The following DMD variants were observed in gnomAD, a reference collection of about 807,000 sequenced individuals.
DMD encodes the protein mutant dystrophin.
Under a neutral mutation model 330.1 loss-of-function variants are expected in DMD, and 63 were observed. The observed-to-expected ratio is 0.19, with a 90% confidence interval of 0.16 to 0.24. DMD has a LOEUF of 0.24. Among genes scored for constraint, DMD ranks in the 10% least tolerant of loss-of-function variants. The pLI, the probability that DMD is intolerant of heterozygous loss-of-function variation, is 1.00. For missense variants in DMD, 3,344 were observed against 2,684.1 expected (o/e 1.25, Z -5.43); for synonymous variants, 1,223 against 959.8 (o/e 1.27, Z -5.07).
At chrX:32,033,591 C>CAGAAAGAAAGAA (rs1420861037) in intron 44 of DMD, among the ~76,000 whole-genome samples, 12 of 27,328 alleles carry the variant, frequency 4.4e-4, no homozygotes, top group Admixed American at 1.3e-3. Context: ...AAAAACAAGA[C>CAGAAAGAAAGAA]AGACAGACAG....
intron 7 of DMD, among the ~76,000 whole-genome samples, chrX:32,774,052 C>A (rs936400549): frequency 1.8e-5 from 2 of 110,842 alleles, no homozygotes; most frequent in African/African-American, 6.6e-5. Flanking sequence ...AAATGGGCCC[C>A]TAGAAAGATA....
chrX:32,771,521 C>T lies in DMD; in HGVS notation c.649+37972G>A, dbSNP rs1030117900. ...TTGTTAATACACACACACACACACA[C>T]ACACTCTGCCACTACTCCTTCTGTG... On this transcript the variant is annotated intron_variant, in intron 7 of 78. Coordinates refer to ENST00000357033, the MANE Select transcript of DMD (RefSeq NM_004006.3). Among the ~76,000 whole-genome samples the T allele has an allele frequency of 1.2e-4, 13 of 111,191 alleles. 1 individual carries two copies. The South Asian group carries it at 1.9e-3, about 16-fold the overall frequency.
chrX:32,631,890 C>T (rs2058755519), intron 11 of DMD, among the ~76,000 whole-genome samples: 1 of 111,166 alleles, frequency 9.0e-6, no homozygotes, highest in Admixed American at 9.5e-5. Flanking sequence ...ACATCCAAAC[C>T]ATACTATTCC....
intron 7 of DMD, among the ~76,000 whole-genome samples, chrX:32,730,475 G>A (rs1372844245): frequency 1.8e-5 from 2 of 112,405 alleles, no homozygotes; most frequent in African/African-American, 3.2e-5. Flanking sequence ...ATGAAAAAGA[G>A]TACTTCAACA....
intron 1 of DMD, among the ~76,000 whole-genome samples, chrX:33,164,624 T>TTGA (rs2048964305): frequency 8.9e-6 from 1 of 112,094 alleles, no homozygotes; most frequent in South Asian, 3.7e-4. Flanking sequence ...ACAGCATACC[T>TTGA]TTAATCAAGT....
intron 42 of DMD, among the ~76,000 whole-genome samples, chrX:32,303,047 T>C: frequency 9.0e-6 from 1 of 111,660 alleles, no homozygotes; most frequent in Non-Finnish European, 1.9e-5. Flanking sequence ...AATGTTTTAA[T>C]TATATGTGGG....
At chrX:33,114,916 C>G (rs1168786702) in intron 1 of DMD, among the ~76,000 whole-genome samples, 1 of 111,134 alleles carries the variant, frequency 9.0e-6, no homozygotes, top group Non-Finnish European at 1.9e-5. Flanking sequence ...TCTGCCAGCC[C>G]AAATCATAAA....
chrX:31,786,027 C>T (rs771713112), intron 50 of DMD, among the ~76,000 whole-genome samples: 183 of 112,058 alleles, frequency 1.6e-3, no homozygotes, highest in African/African-American at 5.7e-3. Context: ...AATCGCCACA[C>T]GGTCTTCCAC....
At chrX:32,041,713 T>C (rs1459232976) in intron 44 of DMD, among the ~76,000 whole-genome samples, 1 of 110,630 alleles carries the variant, frequency 9.0e-6, no homozygotes, top group East Asian at 2.8e-4. Flanking sequence ...ATGCATCCAC[T>C]ACATTCATCA....
intron 7 of DMD, among the ~76,000 whole-genome samples, chrX:32,763,085 G>A (rs1009300454): frequency 9.0e-6 from 1 of 111,436 alleles, no homozygotes. Context: ...GAGTGCTACC[G>A]CTGTACACAA....
At chrX:31,725,766 G>T (rs148841071) in intron 52 of DMD, among the ~76,000 whole-genome samples, 1 of 112,121 alleles carries the variant, frequency 8.9e-6, no homozygotes, top group African/African-American at 3.2e-5. Context: ...AGAAGCTACA[G>T]AAACAAGGCT....
chrX:32,176,028 T>C (rs758049096), intron 44 of DMD, among the ~76,000 whole-genome samples: 12 of 111,585 alleles, frequency 1.1e-4, no homozygotes, highest in Non-Finnish European at 2.3e-4. Flanking sequence ...CTCTTTATCC[T>C]TCTCCAACAT....
chrX:32,383,397 T>C (rs1603632192), intron 33 of DMD, among the ~76,000 whole-genome samples: 1 of 111,751 alleles, frequency 8.9e-6, no homozygotes. Flanking sequence ...CCTTCTTACA[T>C]AAAAAGAATA....
chrX:32,027,824 A>G (rs1281511434), intron 44 of DMD, among the ~76,000 whole-genome samples: 3 of 112,634 alleles, frequency 2.7e-5, no homozygotes, highest in African/African-American at 9.7e-5. Context: ...AGCACATCAG[A>G]CCATTCAGTA....
chrX:32,561,740 T>C (rs1395797749), intron 16 of DMD, among the ~76,000 whole-genome samples: 2 of 111,420 alleles, frequency 1.8e-5, no homozygotes, highest in Admixed American at 9.6e-5. Context: ...TACGTAATCA[T>C]ACAATTCTCC....
At chrX:32,974,545 T>G (rs1350071667) in intron 2 of DMD, among the ~76,000 whole-genome samples, 4 of 111,823 alleles carry the variant, frequency 3.6e-5, no homozygotes, top group Non-Finnish European at 7.5e-5. Context: ...TGTTTACACC[T>G]CTTTTTGTTG....
chrX:31,174,220 G>A (rs759557420), intron 71 of DMD, among the ~76,000 whole-genome samples: 5 of 111,249 alleles, frequency 4.5e-5, no homozygotes, highest in Non-Finnish European at 9.5e-5. Context: ...TATATTGTGA[G>A]GTTTTAAAAA....
intron 1 of DMD, among the ~76,000 whole-genome samples, chrX:33,175,714 C>T (rs776127385): frequency 4.2e-4 from 47 of 111,757 alleles, no homozygotes; most frequent in Admixed American, 2.0e-3. Flanking sequence ...TTAACCTCTT[C>T]GAGGCCAGTT....
At chrX:32,654,161 G>T (rs950924155) in intron 9 of DMD, among the ~76,000 whole-genome samples, 1 of 110,776 alleles carries the variant, frequency 9.0e-6, no homozygotes, top group African/African-American at 3.3e-5. Flanking sequence ...CTGCCTGATT[G>T]CCCTGGCCGG....
Sources: gnomAD v4.1 joint callset for allele counts (sites outside exome capture counted in the v4.1 genomes callset) on GRCh38, gnomAD v4.1.1 for gene constraint, MANE v1.5 for transcripts, NCBI Gene and HGNC (gene_info 2026-07-23, HGNC 2026-07-21) for gene names.